RCL1: variants seen among roughly 807,000 people sequenced by gnomAD.
The protein encoded by RCL1 is RNA terminal phosphate cyclase like 1.
In RCL1, 24 loss-of-function variants were observed where a neutral mutation model predicts 42.4. The observed-to-expected ratio is 0.57, with a 90% CI of 0.41 to 0.80. The LOEUF (loss-of-function observed/expected upper bound fraction) is 0.80, where lower values mean the gene tolerates loss of function less well. Ranked by LOEUF, RCL1 falls within the 30% of genes least tolerant of loss-of-function variation. The probability of loss-of-function intolerance (pLI) is 0.00; values close to 1 mark genes in which losing one functional copy is unlikely to be tolerated. For synonymous variants in RCL1, 228 were observed against 177.3 expected (o/e 1.29, Z -2.27); for missense variants, 578 against 467.9 (o/e 1.24, Z -2.17).
At chr9:4,834,105 T>G (rs1563846751) in intron 4 of RCL1, 36 bp from the exon 5 acceptor site, 1 of 1,601,650 alleles carries the variant, frequency 6.2e-7, no homozygotes. Flanking sequence ...ATTGCTTTGC[T>G]GCATCCTCGC....
chr9:4,829,696 G>A lies in RCL1; in HGVS notation c.384+2663G>A, dbSNP rs555163765. ...GTGTTTTTCCTTTGACATGTACAGT[G>A]TGGCAGTGGTGGCGGTGGTGGTGGT... On this transcript the variant is annotated intron_variant, in intron 3 of 8. Coordinates refer to ENST00000381750, the MANE Select transcript of RCL1 (RefSeq NM_005772.5). 8.7e-4 allele frequency among the ~76,000 whole-genome samples: 133 copies of A among 152,332 alleles called. 1 individual carries two copies. The highest frequency in any genetic ancestry group is 3.0e-3 in the African/African-American group (125 of 41,588).
At chr9:4,809,998 G>T (rs1816114893) in intron 1 of RCL1, among the ~76,000 whole-genome samples, 1 of 151,978 alleles carries the variant, frequency 6.6e-6, no homozygotes, top group Non-Finnish European at 1.5e-5. Flanking sequence ...TGTATTTTTG[G>T]TAGAGATGGG....
intron 8 of RCL1, among the ~76,000 whole-genome samples, chr9:4,855,700 G>A (rs1023164114): frequency 6.6e-6 from 1 of 152,162 alleles, no homozygotes; most frequent in Admixed American, 6.5e-5. Context: ...GACATAGGGA[G>A]AATGGGGCTA....
chr9:4,855,004 G>T (rs1026030029), intron 8 of RCL1, among the ~76,000 whole-genome samples: 3 of 144,748 alleles, frequency 2.1e-5, no homozygotes, highest in Non-Finnish European at 4.5e-5. Flanking sequence ...AGTTAGCTGA[G>T]ATCGCACCAT....
intron 1 of RCL1, among the ~76,000 whole-genome samples, chr9:4,807,985 G>A (rs1004766944): frequency 7.2e-5 from 11 of 151,960 alleles, no homozygotes; most frequent in Admixed American, 5.2e-4. Context: ...GTCTATCTTG[G>A]TGTATATTCT....
chr9:4,814,500 A>C (rs547456407), intron 1 of RCL1, among the ~76,000 whole-genome samples: 47 of 152,238 alleles, frequency 3.1e-4, no homozygotes, highest in Non-Finnish European at 5.1e-4. Flanking sequence ...ACTCCTGGGC[A>C]TGATCATCCT....
intron 7 of RCL1, among the ~76,000 whole-genome samples, chr9:4,848,209 A>G (rs1587730117): frequency 6.6e-6 from 1 of 152,336 alleles, no homozygotes; most frequent in African/African-American, 2.4e-5. Context: ...TTTTGGGTAG[A>G]AAAGGAAAAG....
At chr9:4,803,044 C>CTGTT (rs1843032458) in intron 1 of RCL1, among the ~76,000 whole-genome samples, 1 of 150,352 alleles carries the variant, frequency 6.7e-6, no homozygotes, top group South Asian at 2.1e-4. Flanking sequence ...TTAGGGTTCA[C>CTGTT]TGTTTTGTCC....
intron 1 of RCL1, among the ~76,000 whole-genome samples, chr9:4,793,530 T>C (rs1362274239): frequency 6.6e-6 from 1 of 152,220 alleles, no homozygotes; most frequent in African/African-American, 2.4e-5. Flanking sequence ...CCCCTTCGCG[T>C]CCCTTCGGCC....
intron 8 of RCL1, among the ~76,000 whole-genome samples, chr9:4,859,205 G>A (rs542187920): frequency 6.6e-6 from 1 of 152,270 alleles, no homozygotes; most frequent in African/African-American, 2.4e-5. Flanking sequence ...GGTACTCTTG[G>A]ACTGATGCCA....
At chr9:4,852,678 A>T (rs1817791937) in intron 8 of RCL1, among the ~76,000 whole-genome samples, 1 of 152,306 alleles carries the variant, frequency 6.6e-6, no homozygotes, top group East Asian at 1.9e-4. Flanking sequence ...TGCTCCTGGC[A>T]ACGTGCCTGA....
At chr9:4,794,468 G>A (rs1001714414) in intron 1 of RCL1, among the ~76,000 whole-genome samples, 11 of 152,160 alleles carry the variant, frequency 7.2e-5, no homozygotes, top group African/African-American at 2.4e-4. Flanking sequence ...CGACTTTTCC[G>A]TCAACAAGTG....
At chr9:4,798,871 A>T (rs370806135) in intron 1 of RCL1, among the ~76,000 whole-genome samples, 18 of 125,420 alleles carry the variant, frequency 1.4e-4, no homozygotes, top group African/African-American at 5.1e-4. Context: ...CCAAAATAAG[A>T]CTTCTTCTTT....
chr9:4,831,918 T>C (rs1434804722), intron 3 of RCL1, among the ~76,000 whole-genome samples: 2 of 152,242 alleles, frequency 1.3e-5, no homozygotes, highest in Non-Finnish European at 2.9e-5. Flanking sequence ...ATAGTTGTGA[T>C]TTTCTTGTCT....
intron 1 of RCL1, among the ~76,000 whole-genome samples, chr9:4,814,962 CTCTGGAGAAA>C (rs1816320315): frequency 6.6e-6 from 1 of 151,572 alleles, no homozygotes; most frequent in Admixed American, 6.6e-5. Flanking sequence ...TATAAGGTTT[CTCTGGAGAAA>C]TCTGTTTTTA....
chr9:4,832,750 G>C (rs539109324), intron 3 of RCL1, among the ~76,000 whole-genome samples: 150 of 141,578 alleles, frequency 1.1e-3, no homozygotes, highest in African/African-American at 3.8e-3. Context: ...AGAGGTTGCA[G>C]TGAGCCTAGA....
intron 1 of RCL1, among the ~76,000 whole-genome samples, chr9:4,795,796 G>T (rs1409326487): frequency 6.6e-6 from 1 of 152,214 alleles, no homozygotes; most frequent in East Asian, 1.9e-4. Flanking sequence ...TATTTAGAAA[G>T]TGTTTATTGA....
At chr9:4,814,432 G>A (rs1196078764) in intron 1 of RCL1, among the ~76,000 whole-genome samples, 6 of 151,870 alleles carry the variant, frequency 4.0e-5, no homozygotes, top group Admixed American at 6.6e-5. Flanking sequence ...CACCATGCCC[G>A]GCTTTTGTAT....
intron 6 of RCL1, among the ~76,000 whole-genome samples, chr9:4,842,114 G>A (rs1402179408): frequency 6.6e-6 from 1 of 152,180 alleles, no homozygotes; most frequent in African/African-American, 2.4e-5. Context: ...ACTTGTTTGT[G>A]GGTTTTGTTT....
Sources: gnomAD v4.1 joint callset for allele counts (sites outside exome capture counted in the v4.1 genomes callset) on GRCh38, gnomAD v4.1.1 for gene constraint, MANE v1.5 for transcripts, NCBI Gene and HGNC (gene_info 2026-07-23, HGNC 2026-07-21) for gene names.